RABGAP1L: variants seen among roughly 807,000 people sequenced by gnomAD.
RABGAP1L encodes rab GTPase-activating protein 1-like.
Under a neutral mutation model 137.7 loss-of-function variants are expected in RABGAP1L, and 63 were observed. The ratio of observed to expected loss-of-function variants is 0.46; its 90% CI spans 0.37 to 0.56. The LOEUF (loss-of-function observed/expected upper bound fraction) is 0.56. Ranked by LOEUF, RABGAP1L falls within the 20% of genes least tolerant of loss-of-function variation. RABGAP1L has a pLI of 0.00. For missense variants in RABGAP1L, 1,095 were observed against 1,244.0 expected, an observed-to-expected ratio of 0.88 and a Z score of 1.80; for synonymous variants, 431 against 433.7, an observed-to-expected ratio of 0.99 and a Z score of 0.08.
At chr1:174,275,727 T>TTAA in intron 8 of RABGAP1L, 106 bp from the exon 9 acceptor site, 1 of 740,770 alleles carries the variant, frequency 1.3e-6, no homozygotes, top group Non-Finnish European at 2.2e-6. Context: ...CCTGCTTGAC[T>TTAA]GTTAATCTAA....
chr1:174,733,056 A>G (rs1442002694), intron 17 of RABGAP1L, among the ~76,000 whole-genome samples: 2 of 152,062 alleles, frequency 1.3e-5, no homozygotes, highest in Non-Finnish European at 2.9e-5. Context: ...AGTTAAAATA[A>G]CTCTAAGTCA....
chr1:174,376,879 G>A (rs1215671595), intron 12 of RABGAP1L, among the ~76,000 whole-genome samples: 1 of 152,032 alleles, frequency 6.6e-6, no homozygotes, highest in Admixed American at 6.5e-5. Context: ...GAAATAAAAG[G>A]CAAACAAGAT....
At chr1:174,383,565 G>A (rs559395148) in intron 12 of RABGAP1L, among the ~76,000 whole-genome samples, 16 of 152,142 alleles carry the variant, frequency 1.1e-4, no homozygotes, top group African/African-American at 1.4e-4. Context: ...AGGTGCGTCC[G>A]TCACCGCTTT....
At chr1:174,869,418 C>G (rs1346301086) in intron 19 of RABGAP1L, among the ~76,000 whole-genome samples, 4 of 152,144 alleles carry the variant, frequency 2.6e-5, no homozygotes, top group Admixed American at 6.5e-5. Flanking sequence ...ATTTCCCCTG[C>G]TTTCCCTTCT....
At chr1:174,901,928 A>T (rs1032472975) in intron 19 of RABGAP1L, among the ~76,000 whole-genome samples, 1 of 152,064 alleles carries the variant, frequency 6.6e-6, no homozygotes, top group Non-Finnish European at 1.5e-5. Context: ...AGGCCACTCT[A>T]TCTATCGTAG....
chr1:174,194,711 G>C (rs938948436), intron 1 of RABGAP1L, among the ~76,000 whole-genome samples: 2 of 152,160 alleles, frequency 1.3e-5, no homozygotes, highest in African/African-American at 2.4e-5. Context: ...GAATAGTCAG[G>C]AATGTCTAAA....
At chr1:174,510,212 G>T (rs1662202791) in intron 13 of RABGAP1L, among the ~76,000 whole-genome samples, 4 of 152,138 alleles carry the variant, frequency 2.6e-5, no homozygotes, top group African/African-American at 9.7e-5. Flanking sequence ...CTAGAAAAAT[G>T]GAATGGATTT....
chr1:174,403,266 ATTTCT>A (rs1648852904), intron 13 of RABGAP1L, among the ~76,000 whole-genome samples: 5 of 123,040 alleles, frequency 4.1e-5, no homozygotes, highest in African/African-American at 1.5e-4. Flanking sequence ...TGTGTATACC[ATTTCT>A]TTTCTTCTCT....
At chr1:174,261,594 A>C (rs1461780009) in intron 7 of RABGAP1L, among the ~76,000 whole-genome samples, 1 of 152,164 alleles carries the variant, frequency 6.6e-6, no homozygotes, top group Non-Finnish European at 1.5e-5. Flanking sequence ...CTTCTCATGA[A>C]ACAGTTTTTT....
intron 11 of RABGAP1L, among the ~76,000 whole-genome samples, chr1:174,343,157 C>G (rs1293292584): frequency 6.6e-6 from 1 of 152,128 alleles, no homozygotes; most frequent in Non-Finnish European, 1.5e-5. Flanking sequence ...ACGATTTCTC[C>G]CTCTTTAATT....
rs374250305 is a variant in RABGAP1L, at chr1:174,531,752, G to T, written c.1711-105623G>T. ...TGGTGAGATACTGTCTCGGGGGTGG[G>T]GGGGGGGAAGATATACCAAAACATA... On this transcript the variant is annotated intron_variant, in intron 13 of 25. Transcript: ENST00000681986. 3.1e-3 allele frequency among the ~76,000 whole-genome samples: 398 copies of T among 129,772 alleles called. 1 individual carries two copies. Among genetic ancestry groups the T allele is most frequent in the Non-Finnish European group, 5.3e-3 (325 of 60,930 alleles). The allele number at this position is 129,772 out of a possible 152,430, so 85.1% of individuals were successfully genotyped here.
intron 14 of RABGAP1L, among the ~76,000 whole-genome samples, chr1:174,641,823 T>C (rs1674551895): frequency 6.6e-6 from 1 of 152,016 alleles, no homozygotes; most frequent in South Asian, 2.1e-4. Context: ...GTTGTTCAAA[T>C]TTTTTTTCCT....
chr1:174,278,052 T>A (rs184926700), intron 9 of RABGAP1L, among the ~76,000 whole-genome samples: 20 of 152,158 alleles, frequency 1.3e-4, no homozygotes, highest in Non-Finnish European at 2.2e-4. Flanking sequence ...TAAAAAATAT[T>A]TAAAAAGGAA....
chr1:174,924,023 T>TTACA (rs1463968008), intron 19 of RABGAP1L, among the ~76,000 whole-genome samples: 2 of 152,140 alleles, frequency 1.3e-5, no homozygotes, highest in Non-Finnish European at 1.5e-5. Context: ...GACTAAGCTA[T>TTACA]TACACCTGGT....
At chr1:174,641,129 T>C (rs1438451857) in intron 14 of RABGAP1L, among the ~76,000 whole-genome samples, 3 of 151,812 alleles carry the variant, frequency 2.0e-5, no homozygotes, top group African/African-American at 4.8e-5. Flanking sequence ...TGCTCTTAAA[T>C]TGAGCAGAAA....
intron 3 of RABGAP1L, among the ~76,000 whole-genome samples, chr1:174,228,169 G>A (rs1295078154): frequency 6.6e-6 from 1 of 151,424 alleles, no homozygotes; most frequent in Non-Finnish European, 1.5e-5. Flanking sequence ...AGTCGTATAG[G>A]CCTTCTTTGC....
Position 174,555,564 on chromosome 1 carries a change from T to A in RABGAP1L, c.1711-81811T>A, listed in dbSNP as rs115702116. 2.5e-3 allele frequency among the ~76,000 whole-genome samples: 379 copies of A among 152,306 alleles called. 1 individual carries two copies. Among genetic ancestry groups the A allele is most frequent in the African/African-American group, 9.0e-3 (373 of 41,550 alleles). On this transcript the variant is annotated intron_variant, in intron 13 of 25. Transcript: ENST00000681986. ...CCAAAAAAAATGTATGTTCCCTTTCTTTAATGTTTACTGTGAATAGTGAAG... is the reference window on the plus strand; with the variant it reads ...CCAAAAAAAATGTATGTTCCCTTTCATTAATGTTTACTGTGAATAGTGAAG...
At chr1:174,313,118 G>A (rs779497343) in intron 11 of RABGAP1L, among the ~76,000 whole-genome samples, 3 of 152,042 alleles carry the variant, frequency 2.0e-5, no homozygotes, top group Non-Finnish European at 4.4e-5. Context: ...TAGTAGAGAC[G>A]AGGTTTCACC....
At chr1:174,866,151 GA>G (rs1651198567) in intron 19 of RABGAP1L, among the ~76,000 whole-genome samples, 2 of 148,882 alleles carry the variant, frequency 1.3e-5, no homozygotes, top group Non-Finnish European at 3.0e-5. Flanking sequence ...GAGAGAGAGA[GA>G]GAGAGAGAGA....
Sources: gnomAD v4.1 joint callset for allele counts (sites outside exome capture counted in the v4.1 genomes callset) on GRCh38, gnomAD v4.1.1 for gene constraint, MANE v1.5 for transcripts, NCBI Gene and HGNC (gene_info 2026-07-23, HGNC 2026-07-21) for gene names.